The following MALRD1 variants were observed in gnomAD, a reference collection of about 807,000 sequenced individuals.
The protein encoded by MALRD1 is MAM and LDL-receptor class A domain-containing protein 1.
Under a neutral mutation model 242.1 loss-of-function variants are expected in MALRD1, and 247 were observed. The observed-to-expected ratio is 1.02, with a 90% CI of 0.92 to 1.13. The LOEUF (loss-of-function observed/expected upper bound fraction) is 1.13. Ranked by LOEUF, MALRD1 falls within the 50% of genes most tolerant of loss-of-function variation. The pLI is 0.00. For missense variants in MALRD1, 2,989 were observed against 2,533.1 expected, an observed-to-expected ratio of 1.18 and a Z score of -3.86; for synonymous variants, 995 against 866.6, an observed-to-expected ratio of 1.15 and a Z score of -2.60.
intron 28 of MALRD1, among the ~76,000 whole-genome samples, chr10:19,429,936 C>T (rs1834054804): frequency 6.6e-6 from 1 of 152,048 alleles, no homozygotes; most frequent in Non-Finnish European, 1.5e-5. Flanking sequence ...GTCATAGACG[C>T]TTTCAGAATA....
At chr10:19,224,106 T>C (rs529366347) in intron 18 of MALRD1, among the ~76,000 whole-genome samples, 1 of 152,254 alleles carries the variant, frequency 6.6e-6, no homozygotes, top group East Asian at 1.9e-4. Flanking sequence ...TAGTTCTGGA[T>C]CCTTGAGGAA....
intron 36 of MALRD1, among the ~76,000 whole-genome samples, chr10:19,645,383 T>C (rs1234351252): frequency 6.6e-6 from 1 of 152,186 alleles, no homozygotes; most frequent in Non-Finnish European, 1.5e-5. Context: ...ACTGGGTATA[T>C]ACCCAAAGGA....
intron 36 of MALRD1, among the ~76,000 whole-genome samples, chr10:19,617,293 A>G (rs1274610176): frequency 6.6e-6 from 1 of 152,060 alleles, no homozygotes; most frequent in Non-Finnish European, 1.5e-5. Context: ...GAGATGAGAC[A>G]GAGAATTGAG....
At chr10:19,317,359 C>T (rs1332469677) in intron 21 of MALRD1, among the ~76,000 whole-genome samples, 1 of 151,844 alleles carries the variant, frequency 6.6e-6, no homozygotes, top group African/African-American at 2.4e-5. Flanking sequence ...ACCCTAAAAA[C>T]CCAACCACCT....
chr10:19,278,211 A>G (rs1004409052), intron 19 of MALRD1, among the ~76,000 whole-genome samples: 1 of 152,154 alleles, frequency 6.6e-6, no homozygotes, highest in Admixed American at 6.5e-5. Flanking sequence ...AAACAGTTTA[A>G]TGTATTTCCA....
chr10:19,119,820 T>G (rs1197500897), intron 5 of MALRD1, among the ~76,000 whole-genome samples: 1 of 152,208 alleles, frequency 6.6e-6, no homozygotes, highest in Non-Finnish European at 1.5e-5. Context: ...GTTTAAACTA[T>G]AAACTAAGTT....
At chr10:19,106,944 T>A (rs1836485323) in intron 5 of MALRD1, among the ~76,000 whole-genome samples, 3 of 152,012 alleles carry the variant, frequency 2.0e-5, no homozygotes, top group Non-Finnish European at 4.4e-5. Context: ...TTTCCAAAGT[T>A]CATTTCATTG....
At chr10:19,321,426 A>T (rs113398939) in intron 21 of MALRD1, among the ~76,000 whole-genome samples, 22 of 152,128 alleles carry the variant, frequency 1.4e-4, no homozygotes, top group African/African-American at 5.3e-4. Context: ...TGGGAGACAG[A>T]GATAAGTTAT....
rs35279728 is a variant in MALRD1 at position 19,729,721 on chromosome 10, C to CTT, written c.6315-953_6315-952dup. ...GTGTCTTCTAATAAGTCTATTAATT[C>CTT]TTTTTTTTTTTTTTTTTTTTTTTTT... On this transcript the variant is annotated intron_variant, in intron 38 of 39. Transcript: ENST00000454679. Among the ~76,000 whole-genome samples the CTT allele has an allele frequency of 8.5e-3, 348 of 40,788 alleles. 13 individuals carry two copies. Among genetic ancestry groups the CTT allele is most frequent in the East Asian group, 0.012 (14 of 1,134 alleles). The allele number at this position is 40,788 out of a possible 152,430, so 26.8% of individuals were successfully genotyped here.
intron 36 of MALRD1, among the ~76,000 whole-genome samples, chr10:19,659,750 A>G (rs1416131508): frequency 1.3e-5 from 2 of 152,178 alleles, no homozygotes; most frequent in Non-Finnish European, 2.9e-5. Flanking sequence ...AATAAAATAT[A>G]TAAGGTACTC....
rs999668417 is a variant in MALRD1 at position 19,133,966 on chromosome 10, A to G, written c.1203+18A>G. On this transcript the variant is annotated intron_variant, in intron 9 of 39. Transcript: ENST00000454679. ...CATTTAAGGTATGAAAGAAAAAAAA[A>G]AAGTATTTTTTTATCATGGTTTAAG... 7 of 1,189,526 alleles carry G rather than the reference A, an allele frequency of 5.9e-6. No individual in the cohort carries two copies. The highest frequency in any genetic ancestry group is 7.4e-6 in the Non-Finnish European group (7 of 949,740). 73.7% of individuals were successfully genotyped at this position (1,189,526 alleles called of 1,614,324 possible).
chr10:19,223,144 A>C (rs1359523657), intron 18 of MALRD1, among the ~76,000 whole-genome samples: 3 of 152,190 alleles, frequency 2.0e-5, no homozygotes, highest in African/African-American at 7.2e-5. Flanking sequence ...TTTTATATTA[A>C]CATTAAAACG....
rs1019647839 is a variant in MALRD1, at chr10:19,719,036, G to A, written c.6315-11670G>A. On this transcript the variant is annotated intron_variant, in intron 38 of 39. Coordinates refer to ENST00000454679, the MANE Select transcript of MALRD1 (RefSeq NM_001142308.3). Reference sequence around the variant, plus strand: ...AAATTAGCTGGTCATGGCGGTACGTGGCTGTAGGGCTAGATACCCAAGAGG... The same window carrying A: ...AAATTAGCTGGTCATGGCGGTACGTAGCTGTAGGGCTAGATACCCAAGAGG... Among the ~76,000 whole-genome samples the A allele has an allele frequency of 2.0e-5, 3 of 150,606 alleles. No individual in the cohort carries two copies. In the East Asian group the frequency reaches 5.9e-4, roughly 30 times the overall value.
At chr10:19,403,442 A>G (rs1846954227) in intron 28 of MALRD1, among the ~76,000 whole-genome samples, 1 of 152,152 alleles carries the variant, frequency 6.6e-6, no homozygotes, top group Non-Finnish European at 1.5e-5. Flanking sequence ...TGTGGCATTT[A>G]ATATATCCAC....
At chr10:19,611,955 A>G (rs1189423017) in intron 35 of MALRD1, among the ~76,000 whole-genome samples, 2 of 152,028 alleles carry the variant, frequency 1.3e-5, no homozygotes, top group Non-Finnish European at 2.9e-5. Context: ...GCATATTTAG[A>G]TTCACACAGA....
chr10:19,254,411 AAACCTTGTT>A (rs1394660309), intron 18 of MALRD1, among the ~76,000 whole-genome samples: 1 of 152,050 alleles, frequency 6.6e-6, no homozygotes, highest in Non-Finnish European at 1.5e-5. Context: ...AAGCCTGTAT[AAACCTTGTT>A]AATGGATTCT....
intron 18 of MALRD1, among the ~76,000 whole-genome samples, chr10:19,252,979 T>C (rs1185876621): frequency 1.3e-5 from 2 of 151,994 alleles, no homozygotes; most frequent in East Asian, 3.9e-4. Flanking sequence ...TCTAAGCTGA[T>C]TTTCTAAAAG....
intron 10 of MALRD1, 111 bp downstream of exon 10, chr10:19,136,892 G>T: frequency 1.5e-6 from 1 of 648,018 alleles, no homozygotes; most frequent in Non-Finnish European, 2.2e-6. Context: ...TGTATGAAAT[G>T]TGATAAATAT....
At chr10:19,165,572 A>G (rs763737745) in intron 12 of MALRD1, 65 bp from the exon 13 acceptor site, 24 of 1,172,514 alleles carry the variant, frequency 2.0e-5, no homozygotes, top group African/African-American at 3.2e-5. Context: ...ATTTCAAATT[A>G]TAGGAAAAAC....
Sources: gnomAD v4.1 joint callset for allele counts (sites outside exome capture counted in the v4.1 genomes callset) on GRCh38, gnomAD v4.1.1 for gene constraint, MANE v1.5 for transcripts, NCBI Gene and HGNC (gene_info 2026-07-23, HGNC 2026-07-21) for gene names.